The following BSN variants were observed in gnomAD, a reference collection of about 807,000 sequenced individuals.
BSN encodes the protein bassoon presynaptic cytomatrix protein.
A neutral mutation model predicts 264.8 loss-of-function variants in BSN; 57 were observed. The ratio of observed to expected loss-of-function variants is 0.22; its 90% CI spans 0.17 to 0.27. The LOEUF (loss-of-function observed/expected upper bound fraction) is 0.27, where lower values mean the gene tolerates loss of function less well. BSN is among the 10% of genes least tolerant of loss of function. The pLI is 1.00. For synonymous variants in BSN, 2,059 were observed against 2,137.3 expected (o/e 0.96, Z 1.01); for missense variants, 4,615 against 5,232.5 (o/e 0.88, Z 3.64).
intron 1 of BSN, among the ~76,000 whole-genome samples, chr3:49,613,615 C>T (rs2052230142): frequency 6.6e-6 from 1 of 151,858 alleles, no homozygotes; most frequent in Non-Finnish European, 1.5e-5. Flanking sequence ...CTGCCTCAAC[C>T]TCCCAAGTAG....
chr3:49,583,668 G>A (rs2051911762), intron 1 of BSN, among the ~76,000 whole-genome samples: 1 of 152,152 alleles, frequency 6.6e-6, no homozygotes, highest in East Asian at 1.9e-4. Flanking sequence ...GGATTCACCA[G>A]TGAAGACAAC....
Position 49,657,716 on chromosome 3 carries a change from G to A in BSN, c.8160G>A (p.Thr2720=), listed in dbSNP as rs753959050. ...GTGGGGAGAGCCTGGCCTGCCAGAC[G>A]GAGCCAGATGGGCAGGCCCAGGGTG... is the stretch of plus-strand genomic sequence containing the variant. ...TGRGESLACQ[T]EPDGQAQGVA... is the part of the protein sequence containing the mutation. The change falls in exon 5 of 12, where the codon ACG becomes ACA. Residue 2720 remains threonine (T), a synonymous_variant. Transcript: ENST00000296452. The A allele has an allele frequency of 3.2e-6, 5 of 1,549,748 alleles. No homozygotes were observed. The Admixed American group carries it at 5.5e-5, about 17-fold the overall frequency.
At chr3:49,591,982 A>G (rs1027811324) in intron 1 of BSN, among the ~76,000 whole-genome samples, 2 of 152,240 alleles carry the variant, frequency 1.3e-5, no homozygotes, top group Non-Finnish European at 2.9e-5. Context: ...AATATTATAA[A>G]ATGATGAAAT....
intron 1 of BSN, among the ~76,000 whole-genome samples, chr3:49,605,586 AT>A (rs1329224433): frequency 6.7e-5 from 1 of 14,964 alleles, no homozygotes; most frequent in Non-Finnish European, 1.1e-4. Flanking sequence ...TATATTATAT[AT>A]TTATATATAA....
intron 8 of BSN, 104 bp from the exon 9 acceptor site, chr3:49,664,319 C>A: frequency 6.7e-7 from 1 of 1,485,026 alleles, no homozygotes; most frequent in Non-Finnish European, 9.3e-7. Flanking sequence ...ACCTTCCCAC[C>A]TTATAGGGTA....
intron 3 of BSN, 134 bp from the exon 4 acceptor site, chr3:49,650,478 T>C (rs1323103040): frequency 1.2e-6 from 1 of 842,372 alleles, no homozygotes; most frequent in Non-Finnish European, 1.9e-6. Context: ...TCAGTCTTTT[T>C]CTCCTTATGT....
At chr3:49,664,402 T>C in intron 8 of BSN, 21 bp from the exon 9 acceptor site, 2 of 1,613,720 alleles carry the variant, frequency 1.2e-6, no homozygotes, top group Non-Finnish European at 1.7e-6. Flanking sequence ...TAGCTCATTA[T>C]GGCGATTTCT....
At chr3:49,563,984 A>G (rs1235565287) in intron 1 of BSN, among the ~76,000 whole-genome samples, 3 of 152,068 alleles carry the variant, frequency 2.0e-5, no homozygotes, top group Non-Finnish European at 4.4e-5. Flanking sequence ...CGCTCACTGT[A>G]CCTGCCACGT....
Position 49,656,913 on chromosome 3 carries a change from G to GAGCAGATCCAGCAGCTGC in BSN, c.7363_7380dup (p.Ile2455_Gln2460dup), listed in dbSNP as rs2052608275. On this transcript the variant is annotated inframe_insertion, in exon 5 of 12. Transcript: ENST00000296452. ...GCTAGCGCAGCAGCGTCTGCAGCTG[G>GAGCAGATCCAGCAGCTGC]AGCAGATCCAGCAGCTGCAGCAGCA... 1 of 1,600,044 alleles carries GAGCAGATCCAGCAGCTGC rather than the reference G, an allele frequency of 6.2e-7. No homozygotes were observed. Among genetic ancestry groups the GAGCAGATCCAGCAGCTGC allele is most frequent in the African/African-American group, 1.3e-5 (1 of 74,672 alleles).
rs55919876 is a variant in BSN, at chr3:49,589,082, A to AT, written c.224+34270dup. On this transcript the variant is annotated intron_variant, in intron 1 of 11. Coordinates refer to ENST00000296452, the MANE Select transcript of BSN (RefSeq NM_003458.4). The stretch of plus-strand genomic sequence containing the variant: ...GGCGCCTGCCACCACGCCTGGCTAA[A>AT]TTTTTTTTTTTTTTGTATTTTTTAG... Among the ~76,000 whole-genome samples the AT allele has an allele frequency of 1.6e-3, 209 of 132,458 alleles. 1 individual carries two copies. Among genetic ancestry groups the AT allele is most frequent in the African/African-American group, 5.1e-3 (183 of 36,032 alleles). The allele number at this position is 132,458 out of a possible 152,430, so 86.9% of individuals were successfully genotyped here.
At chr3:49,580,482 A>T (rs2051887529) in intron 1 of BSN, among the ~76,000 whole-genome samples, 1 of 152,088 alleles carries the variant, frequency 6.6e-6, no homozygotes, top group Admixed American at 6.6e-5. Context: ...CCGAGGCTGG[A>T]GTGCAGTGGT....
chr3:49,650,573 T>C (rs1182944300), intron 3 of BSN, 39 bp from the exon 4 acceptor site: 1 of 1,547,684 alleles, frequency 6.5e-7, no homozygotes, highest in East Asian at 2.2e-5. Flanking sequence ...TTCAGTGTCT[T>C]TTTAATTTTC....
chr3:49,666,784 G>A lies in BSN; in HGVS notation c.*105-806G>A, dbSNP rs539923308. 1.6e-4 allele frequency among the ~76,000 whole-genome samples: 25 copies of A among 152,166 alleles called. No individual in the cohort carries two copies. In the South Asian group the frequency reaches 5.0e-3, roughly 30 times the overall value. On this transcript the variant is annotated intron_variant, in intron 11 of 11. Coordinates refer to ENST00000296452, the MANE Select transcript of BSN (RefSeq NM_003458.4). ...GTGGTCAGGGGTAAAGTCCAAGGGG[G>A]TGGGAGCCAGCTGGGGTGGGTTGTG... is the stretch of plus-strand genomic sequence containing the variant.
intron 1 of BSN, among the ~76,000 whole-genome samples, chr3:49,583,083 T>A (rs1033932775): frequency 1.3e-5 from 2 of 151,924 alleles, no homozygotes; most frequent in East Asian, 1.9e-4. Flanking sequence ...ATTCTCCTGC[T>A]TCAGCCTCCA....
intron 1 of BSN, among the ~76,000 whole-genome samples, chr3:49,592,909 A>G (rs2051991866): frequency 6.6e-6 from 1 of 152,074 alleles, no homozygotes; most frequent in Admixed American, 6.6e-5. Flanking sequence ...ACTTGTACTC[A>G]TTTGTGTGTG....
Position 49,651,617 on chromosome 3 carries a change from T to C in BSN, c.2061T>C (p.Ser687=), listed in dbSNP as rs768737254. ...PQSLSDTGYS[S]DGISSSQSEI... ...GCCTCAGTGACACAGGCTATTCCTC[T>C]GACGGCATCTCTAGCTCCCAGAGTG... The change falls in exon 5 of 12, where the codon TCT becomes TCC. Residue 687 remains serine (S), a synonymous_variant. Coordinates refer to ENST00000296452, the MANE Select transcript of BSN (RefSeq NM_003458.4). This position sits in a 1 kb window ranked among gnomAD's most constrained non-coding sequence, Gnocchi z 5.4. 1 of 1,614,004 alleles carries C rather than the reference T, an allele frequency of 6.2e-7. No individual in the cohort carries two copies. Among genetic ancestry groups the C allele is most frequent in the Non-Finnish European group, 8.5e-7 (1 of 1,179,944 alleles).
rs762644253 is a variant in BSN at position 49,654,634 on chromosome 3, C to T, written c.5078C>T (p.Ala1693Val). The T allele has an allele frequency of 4.3e-6, 7 of 1,613,828 alleles. No homozygotes were observed. Among genetic ancestry groups the T allele is most frequent in the Middle Eastern group, 1.6e-4 (1 of 6,084 alleles). ...GACCTCACCTCTCTTGCTGTGGAAG[C>T]GAGGAAGTATGGTCTTGCCCTGGAT... Reference protein sequence around the residue: ...GMDLTSLAVEARKYGLALDPI... With the variant: ...GMDLTSLAVEVRKYGLALDPI... Residue 1693 changes from alanine (A) to valine (V), a missense_variant, in exon 5 of 12, where the codon GCG (alanine) becomes GTG (valine). Physicochemically the swap from Ala to Val is moderately conservative, Grantham distance 64. Coordinates refer to ENST00000296452, the MANE Select transcript of BSN (RefSeq NM_003458.4). The surrounding 1 kb of genome is among the most constrained non-coding windows in gnomAD (Gnocchi z 4.1).
chr3:49,556,898 C>G (rs766084916), intron 1 of BSN, among the ~76,000 whole-genome samples: 1 of 152,168 alleles, frequency 6.6e-6, no homozygotes, highest in Non-Finnish European at 1.5e-5. Context: ...TTTTGAATTT[C>G]GGGGCAGTCA....
At chr3:49,659,514 A>G (rs973106824) in intron 5 of BSN, among the ~76,000 whole-genome samples, 1 of 152,202 alleles carries the variant, frequency 6.6e-6, no homozygotes, top group African/African-American at 2.4e-5. Context: ...TTGGCAAGGT[A>G]AAAAGTAAGA....
Sources: gnomAD v4.1 joint callset for allele counts (sites outside exome capture counted in the v4.1 genomes callset) on GRCh38, gnomAD v4.1.1 for gene constraint, Gnocchi (gnomAD v3.1) non-coding constraint, MANE v1.5 for transcripts, NCBI Gene and HGNC (gene_info 2026-07-23, HGNC 2026-07-21) for gene names.